Variants in BPTF observed in about 807,000 individuals in gnomAD.
The protein encoded by BPTF is nucleosome-remodeling factor subunit BPTF.
Under a neutral mutation model 292.5 loss-of-function variants are expected in BPTF, and 18 were observed. The ratio of observed to expected loss-of-function variants is 0.06; its 90% CI spans 0.04 to 0.09. The LOEUF (loss-of-function observed/expected upper bound fraction) is 0.09, where lower values mean the gene tolerates loss of function less well. BPTF is among the 10% of genes least tolerant of loss of function. BPTF has a pLI of 1.00. For missense variants in BPTF, 2,726 were observed against 3,498.7 expected, an observed-to-expected ratio of 0.78 and a Z score of 5.57; for synonymous variants, 1,225 against 1,251.9, an observed-to-expected ratio of 0.98 and a Z score of 0.45.
chr17:67,932,127 C>A, intron 18 of BPTF, 108 bp downstream of exon 18: 1 of 876,456 alleles, frequency 1.1e-6, no homozygotes, highest in Non-Finnish European at 1.8e-6. Flanking sequence ...TTAATTAGTA[C>A]TTCAAAGCAT....
intron 10 of BPTF, 48 bp downstream of exon 10, chr17:67,909,809 A>G (rs749164289): frequency 3.5e-6 from 5 of 1,419,324 alleles, no homozygotes; most frequent in Non-Finnish European, 4.7e-6. Context: ...ATAAGAATGC[A>G]CTGGATCAGG....
intron 18 of BPTF, among the ~76,000 whole-genome samples, chr17:67,935,805 A>G (rs1027184007): frequency 2.0e-5 from 3 of 152,122 alleles, no homozygotes; most frequent in Non-Finnish European, 4.4e-5. Context: ...CAGTGAGCCA[A>G]GATTGCGCCA....
intron 2 of BPTF, among the ~76,000 whole-genome samples, chr17:67,857,518 G>A (rs1013842374): frequency 1.3e-5 from 2 of 150,164 alleles, no homozygotes; most frequent in Non-Finnish European, 3.0e-5. Flanking sequence ...AGGCTCTGGA[G>A]TGCAGTGACA....
chr17:67,963,595 A>G, intron 24 of BPTF: 13 of 1,246,774 alleles, frequency 1.0e-5, no homozygotes, highest in Non-Finnish European at 1.3e-5. Flanking sequence ...TAAAAAGCAG[A>G]TTTTTTTCTA....
chr17:67,849,534 G>A (rs2058254896), intron 1 of BPTF, among the ~76,000 whole-genome samples: 1 of 152,130 alleles, frequency 6.6e-6, no homozygotes, highest in Non-Finnish European at 1.5e-5. Flanking sequence ...CATCTAATGT[G>A]TATTAATTTT....
chr17:67,901,110 G>T (rs2061806271), intron 7 of BPTF, among the ~76,000 whole-genome samples: 1 of 151,998 alleles, frequency 6.6e-6, no homozygotes, highest in African/African-American at 2.4e-5. Flanking sequence ...AGATATTAAA[G>T]CACATTTTGA....
rs11376410 is a variant in BPTF, at chr17:67,979,169, C to CAAAAAAAAAAA, written c.8727-3072_8727-3062dup. On this transcript the variant is annotated intron_variant, in intron 27 of 27. Coordinates refer to ENST00000306378, the MANE Select transcript of BPTF (RefSeq NM_182641.4). Reference sequence around the variant, plus strand: ...TGGAAGACACAACAAGACCCTGTCTCAAAAAAAAAAAAAAAAAAAAAGGCC... The same window carrying CAAAAAAAAAAA: ...TGGAAGACACAACAAGACCCTGTCTCAAAAAAAAAAAAAAAAAAAAAAAAAAAAAAAAGGCC... Among the ~76,000 whole-genome samples the CAAAAAAAAAAA allele has an allele frequency of 1.2e-3, 84 of 72,556 alleles. 3 individuals are homozygous for CAAAAAAAAAAA. Among genetic ancestry groups the CAAAAAAAAAAA allele is most frequent in the African/African-American group, 6.3e-3 (79 of 12,494 alleles). The allele number at this position is 72,556 out of a possible 152,430, so 47.6% of individuals were successfully genotyped here.
chr17:67,834,414 A>G (rs1176352341), intron 1 of BPTF, among the ~76,000 whole-genome samples: 1 of 152,190 alleles, frequency 6.6e-6, no homozygotes, highest in African/African-American at 2.4e-5. Flanking sequence ...GGAGTATTGC[A>G]TAAATGTCAA....
chr17:67,895,204 A>G (rs563336319), intron 7 of BPTF, among the ~76,000 whole-genome samples: 1 of 152,008 alleles, frequency 6.6e-6, no homozygotes, highest in East Asian at 1.9e-4. Flanking sequence ...GTGGTGGCAC[A>G]TGCCTGTAGT....
At chr17:67,980,027 C>T (rs797028027) in intron 27 of BPTF, among the ~76,000 whole-genome samples, 8 of 150,692 alleles carry the variant, frequency 5.3e-5, no homozygotes, top group South Asian at 2.1e-4. Flanking sequence ...AGTGAGACTC[C>T]GTCTGAAAAC....
At chr17:67,935,226 C>T (rs1187346948) in intron 18 of BPTF, among the ~76,000 whole-genome samples, 1 of 152,144 alleles carries the variant, frequency 6.6e-6, no homozygotes, top group Non-Finnish European at 1.5e-5. Flanking sequence ...TAGTTCTAGA[C>T]ATCCTGGGCA....
At chr17:67,883,015 A>G (rs865796858) in intron 4 of BPTF, among the ~76,000 whole-genome samples, 4 of 148,120 alleles carry the variant, frequency 2.7e-5, no homozygotes, top group South Asian at 4.3e-4. Context: ...AAAAAAAAAA[A>G]AAAAAGAAAA....
At chr17:67,880,679 C>T (rs921525537) in intron 4 of BPTF, among the ~76,000 whole-genome samples, 7 of 152,000 alleles carry the variant, frequency 4.6e-5, no homozygotes, top group African/African-American at 1.7e-4. Flanking sequence ...CTCTGTTACC[C>T]AGGCTGGATT....
chr17:67,965,019 AAG>A (rs2067935479), intron 25 of BPTF: 2 of 149,588 alleles, frequency 1.3e-5, no homozygotes, highest in Admixed American at 1.3e-4. Flanking sequence ...AAAAAAAAAA[AAG>A]ATTATAGTTA....
At chr17:67,877,871 C>T (rs928196421) in intron 4 of BPTF, among the ~76,000 whole-genome samples, 4 of 152,142 alleles carry the variant, frequency 2.6e-5, no homozygotes, top group African/African-American at 9.7e-5. Flanking sequence ...GGGCTCAAGC[C>T]ATCCTCCCGC....
chr17:67,835,302 A>G (rs2057037472), intron 1 of BPTF, among the ~76,000 whole-genome samples: 1 of 152,228 alleles, frequency 6.6e-6, no homozygotes, highest in African/African-American at 2.4e-5. Context: ...AGCCACATGT[A>G]TTGCACCACA....
intron 4 of BPTF, among the ~76,000 whole-genome samples, chr17:67,887,028 A>G (rs760926138): frequency 4.6e-5 from 7 of 152,206 alleles, no homozygotes; most frequent in African/African-American, 7.2e-5. Context: ...GTCAAATGGT[A>G]GCTACATTTA....
At chr17:67,856,178 T>A (rs900675638) in intron 2 of BPTF, among the ~76,000 whole-genome samples, 3 of 152,234 alleles carry the variant, frequency 2.0e-5, no homozygotes, top group African/African-American at 7.2e-5. Context: ...TCTCTTTTTC[T>A]CTTTGGGGTA....
intron 9 of BPTF, among the ~76,000 whole-genome samples, chr17:67,909,234 G>A (rs967847680): frequency 6.7e-6 from 1 of 150,316 alleles, no homozygotes; most frequent in Non-Finnish European, 1.5e-5. Flanking sequence ...TGTCACCCAG[G>A]CTGGAGTGCA....
Sources: gnomAD v4.1 joint callset for allele counts (sites outside exome capture counted in the v4.1 genomes callset) on GRCh38, gnomAD v4.1.1 for gene constraint, MANE v1.5 for transcripts, NCBI Gene and HGNC (gene_info 2026-07-23, HGNC 2026-07-21) for gene names.